Variants in INCENP observed in about 807,000 individuals in gnomAD.
INCENP encodes binds and activates aurora-B and -C in vivo and in vitro.
In INCENP, 43 loss-of-function variants were observed where a neutral mutation model predicts 107.3. That is an observed-to-expected ratio of 0.40 (90% confidence interval 0.31 to 0.52). The LOEUF is 0.52. Among genes scored for constraint, INCENP ranks in the 20% least tolerant of loss-of-function variants. INCENP has a pLI of 0.53. For missense variants in INCENP, 1,089 were observed against 1,250.9 expected (o/e 0.87, Z 1.95); for synonymous variants, 488 against 494.4 (o/e 0.99, Z 0.17).
At chr11:62,139,879 A>G (rs953342049) in intron 7 of INCENP, among the ~76,000 whole-genome samples, 1 of 152,074 alleles carries the variant, frequency 6.6e-6, no homozygotes, top group Non-Finnish European at 1.5e-5. Context: ...TGCCTTGCCT[A>G]TCATAGAGCC....
chr11:62,137,239 G>A (rs1772308720), intron 4 of INCENP, among the ~76,000 whole-genome samples: 1 of 152,104 alleles, frequency 6.6e-6, no homozygotes, highest in South Asian at 2.1e-4. Flanking sequence ...GGAGGCAGTG[G>A]TTGCAGTGAG....
In INCENP at chr11:62,130,220, C is replaced by T. The variant is rs1202854298; in HGVS notation, c.693C>T (p.Ile231=). 6.2e-7 allele frequency: 1 copy of T among 1,613,886 alleles called. No individual in the cohort carries two copies. ...CGAAGGCCAGGATACTGGAGTCCAT[C>T]ACAGTGAGCTCCCTGATGGCTACAC... ...KKSKARILES[I]TVSSLMATPQ... is the part of the protein sequence containing the mutation. The change falls in exon 4 of 19, where the codon ATC becomes ATT. Residue 231 remains isoleucine (I), a synonymous_variant. Transcript: ENST00000394818.
At position 62,128,837 on chromosome 11, in the gene INCENP, C is replaced by T. The variant is rs539279384; in HGVS notation, c.208C>T (p.Arg70Trp). The T allele has an allele frequency of 2.8e-5, 45 of 1,614,018 alleles. No homozygotes were observed. The highest frequency in any genetic ancestry group is 8.0e-5 in the African/African-American group (6 of 75,038). ...PSQKNRRKKR[R>W]ISYVQDENRD... ...TCAGAAGAACCGACGGAAGAAGAGA[C>T]GGATTTCTTATGTTCAGGATGAAAA... The change falls in exon 3 of 19, where the codon CGG (arginine) becomes TGG (tryptophan). Residue 70 changes from arginine (R) to tryptophan (W), a missense_variant. Transcript: ENST00000394818.
intron 4 of INCENP, among the ~76,000 whole-genome samples, chr11:62,131,701 C>T (rs911978447): frequency 2.0e-5 from 3 of 151,972 alleles, no homozygotes; most frequent in Non-Finnish European, 4.4e-5. Context: ...AACAGGGAGA[C>T]CAGATAGGAG....
chr11:62,136,498 AG>A (rs1943997397), intron 4 of INCENP, among the ~76,000 whole-genome samples: 1 of 151,984 alleles, frequency 6.6e-6, no homozygotes, highest in African/African-American at 2.4e-5. Flanking sequence ...TGGCCAACAT[AG>A]CGAAACCCTA....
intron 18 of INCENP, 53 bp from the exon 19 acceptor site, chr11:62,151,709 G>C (rs1944376960): frequency 6.8e-7 from 1 of 1,477,972 alleles, no homozygotes; most frequent in Admixed American, 1.7e-5. Context: ...GGCAAGGGAT[G>C]GGGAGGTTCA....
In INCENP at chr11:62,152,008, C is replaced by T. The variant is rs770493259; in HGVS notation, c.*32C>T. The T allele has an allele frequency of 1.1e-5, 16 of 1,500,622 alleles. No individual in the cohort carries two copies. The highest frequency in any genetic ancestry group is 1.4e-5 in the Non-Finnish European group (15 of 1,090,322). The allele number at this position is 1,500,622 out of a possible 1,614,324, so 93.0% of individuals were successfully genotyped here. On this transcript the variant is annotated 3_prime_UTR_variant, in exon 19 of 19. Transcript: ENST00000394818. Reference sequence around the variant, plus strand: ...CCTGCGGCCTTCTTGGCAGCCTCGCCTCCTGTCCATGTCTATCTGTCTGTC... The same window carrying T: ...CCTGCGGCCTTCTTGGCAGCCTCGCTTCCTGTCCATGTCTATCTGTCTGTC...
At chr11:62,141,422 G>T in intron 10 of INCENP, 78 bp from the exon 11 acceptor site, 1 of 1,590,914 alleles carries the variant, frequency 6.3e-7, no homozygotes. Context: ...TGCTGGCACA[G>T]CTGGGCATGT....
intron 4 of INCENP, among the ~76,000 whole-genome samples, chr11:62,136,450 G>A (rs1943996190): frequency 6.6e-6 from 1 of 152,168 alleles, no homozygotes; most frequent in Admixed American, 6.5e-5. Context: ...GGGAGGCTGA[G>A]GCAGGTGGTT....
At chr11:62,147,925 C>T (rs1473257328) in intron 15 of INCENP, among the ~76,000 whole-genome samples, 1 of 152,158 alleles carries the variant, frequency 6.6e-6, no homozygotes, top group Non-Finnish European at 1.5e-5. Flanking sequence ...ATGCTTTACA[C>T]CTGTTTCCTT....
intron 15 of INCENP, 66 bp from the exon 16 acceptor site, chr11:62,148,410 G>A: frequency 6.9e-7 from 1 of 1,457,102 alleles, no homozygotes; most frequent in Non-Finnish European, 9.4e-7. Flanking sequence ...TCCCCAGCAG[G>A]GATGGGAACA....
Position 62,141,052 on chromosome 11 carries a change from G to C in INCENP, c.1593+8G>C. 6.2e-7 allele frequency: 1 copy of C among 1,611,652 alleles called. No homozygotes were observed. Among genetic ancestry groups the C allele is most frequent in the Non-Finnish European group, 8.5e-7 (1 of 1,178,872 alleles). On this transcript the variant is annotated splice_region_variant and intron_variant, in intron 10 of 18. Transcript: ENST00000394818. Reference sequence around the variant, plus strand: ...CTGCGCATGGACCCCAAGGTGAGGGGCCTGTGCCCAGGCCGGGCTTTGTGG... The same window carrying C: ...CTGCGCATGGACCCCAAGGTGAGGGCCCTGTGCCCAGGCCGGGCTTTGTGG...
chr11:62,130,365 C>A lies in INCENP; in HGVS notation c.838C>A (p.Arg280=). ...PAFPDSPWRE[R]VLAPILPDNF... is the part of the protein sequence containing the mutation. ...CTTTCCAGATTCTCCATGGCGGGAG[C>A]GGGTGCTGGCTCCCATCCTGCCGGA... is the stretch of plus-strand genomic sequence containing the variant. The change falls in exon 4 of 19, where the codon CGG becomes AGG. Residue 280 remains arginine (R), a synonymous_variant. Coordinates refer to ENST00000394818, the MANE Select transcript of INCENP (RefSeq NM_001040694.2). 1 of 1,612,222 alleles carries A rather than the reference C, an allele frequency of 6.2e-7. No individual in the cohort carries two copies. Among genetic ancestry groups the A allele is most frequent in the African/African-American group, 1.3e-5 (1 of 75,046 alleles).
At chr11:62,134,765 G>T (rs908623686) in intron 4 of INCENP, among the ~76,000 whole-genome samples, 7 of 152,158 alleles carry the variant, frequency 4.6e-5, no homozygotes, top group Admixed American at 1.3e-4. Context: ...AGTAACTGAA[G>T]AACTGGACGG....
intron 18 of INCENP, among the ~76,000 whole-genome samples, chr11:62,151,127 G>A (rs913979011): frequency 1.3e-5 from 2 of 152,376 alleles, no homozygotes; most frequent in South Asian, 4.1e-4. Context: ...ATCCGTGAAA[G>A]GGGGGTGAAG....
chr11:62,144,634 T>C (rs904480523), intron 11 of INCENP: 1 of 539,868 alleles, frequency 1.9e-6, no homozygotes, highest in African/African-American at 1.9e-5. Context: ...CCTTCCAAGC[T>C]CATCCTTCAT....
At chr11:62,125,654 C>T (rs1943731686) in intron 1 of INCENP, among the ~76,000 whole-genome samples, 1 of 152,212 alleles carries the variant, frequency 6.6e-6, no homozygotes, top group South Asian at 2.1e-4. Context: ...CTAACCTGTG[C>T]AGATTAAGTT....
chr11:62,137,311 GA>G (rs947054947), intron 4 of INCENP, among the ~76,000 whole-genome samples: 7 of 152,002 alleles, frequency 4.6e-5, no homozygotes, highest in African/African-American at 9.7e-5. Context: ...TCAAAAAAAA[GA>G]AAAAAAATTT....
chr11:62,144,153 G>A (rs1944184792), intron 11 of INCENP, among the ~76,000 whole-genome samples: 1 of 152,156 alleles, frequency 6.6e-6, no homozygotes, highest in Non-Finnish European at 1.5e-5. Context: ...CCAACATAGT[G>A]AAACCCCACC....
Sources: gnomAD v4.1 joint callset for allele counts (sites outside exome capture counted in the v4.1 genomes callset) on GRCh38, gnomAD v4.1.1 for gene constraint, MANE v1.5 for transcripts, NCBI Gene and HGNC (gene_info 2026-07-23, HGNC 2026-07-21) for gene names.